FAF1: variants seen among roughly 807,000 people sequenced by gnomAD.
FAF1 encodes the protein FAS-associated factor 1.
FAF1 carries 25 observed loss-of-function variants against 92.5 expected under a neutral mutation model. The ratio of observed to expected loss-of-function variants is 0.27; its 90% CI spans 0.20 to 0.38. The LOEUF (loss-of-function observed/expected upper bound fraction) is 0.38. Among genes scored for constraint, FAF1 ranks in the 10% least tolerant of loss-of-function variants. The probability of loss-of-function intolerance (pLI) is 1.00; values close to 1 mark genes in which losing one functional copy is unlikely to be tolerated. For missense variants in FAF1, 636 were observed against 793.3 expected, an observed-to-expected ratio of 0.80 and a Z score of 2.38; for synonymous variants, 234 against 273.2, an observed-to-expected ratio of 0.86 and a Z score of 1.42.
At position 50,842,544 on chromosome 1, in the gene FAF1, G is replaced by A. The variant is rs576531737; in HGVS notation, c.114+15385C>T. Among the ~76,000 whole-genome samples, 4 of 152,092 alleles carry A rather than the reference G, an allele frequency of 2.6e-5. No individual in the cohort carries two copies. In the East Asian group the frequency reaches 7.7e-4, roughly 29 times the overall value. ...TTGTCTACAAAGTCCTATAAAACCAGACCCCTACCTCTGCTTGGTCTTCTC... is the reference window on the plus strand; with the variant it reads ...TTGTCTACAAAGTCCTATAAAACCAAACCCCTACCTCTGCTTGGTCTTCTC... On this transcript the variant is annotated intron_variant, in intron 2 of 18. Coordinates refer to ENST00000396153, the MANE Select transcript of FAF1 (RefSeq NM_007051.3).
intron 1 of FAF1, among the ~76,000 whole-genome samples, chr1:50,932,960 G>C (rs942877624): frequency 3.3e-5 from 5 of 152,222 alleles, no homozygotes; most frequent in Admixed American, 6.5e-5. Flanking sequence ...CATAGCCCAA[G>C]CTCTATGTTG....
intron 1 of FAF1, among the ~76,000 whole-genome samples, chr1:50,939,141 T>C (rs1387329202): frequency 6.6e-6 from 1 of 152,240 alleles, no homozygotes; most frequent in Non-Finnish European, 1.5e-5. Context: ...ACTGAATGTA[T>C]AAATTGCTCT....
intron 3 of FAF1, among the ~76,000 whole-genome samples, chr1:50,792,649 A>G (rs1454120648): frequency 6.6e-6 from 1 of 152,264 alleles, no homozygotes; most frequent in African/African-American, 2.4e-5. Context: ...GAATATATAC[A>G]TACCATCCTA....
chr1:50,913,037 G>A (rs944700826), intron 1 of FAF1, among the ~76,000 whole-genome samples: 4 of 152,148 alleles, frequency 2.6e-5, no homozygotes, highest in Non-Finnish European at 5.9e-5. Context: ...TTTTGGTGCT[G>A]CATTTTTTAA....
intron 8 of FAF1, among the ~76,000 whole-genome samples, chr1:50,637,460 G>T (rs1431364010): frequency 1.4e-5 from 2 of 144,134 alleles, no homozygotes; most frequent in Non-Finnish European, 3.0e-5. Context: ...CTCAAAAAAA[G>T]AAAACAAAAA....
At chr1:50,692,275 G>T (rs1015972228) in intron 7 of FAF1, among the ~76,000 whole-genome samples, 1 of 151,290 alleles carries the variant, frequency 6.6e-6, no homozygotes, top group African/African-American at 2.4e-5. Flanking sequence ...GTGTGTGTGT[G>T]TGTGTGTGTG....
chr1:50,634,495 T>C (rs1439444828), intron 8 of FAF1, among the ~76,000 whole-genome samples: 1 of 152,196 alleles, frequency 6.6e-6, no homozygotes, highest in East Asian at 1.9e-4. Context: ...CAAACACAAA[T>C]GCCAGAGATT....
At chr1:50,842,579 C>A (rs1467820389) in intron 2 of FAF1, among the ~76,000 whole-genome samples, 1 of 152,030 alleles carries the variant, frequency 6.6e-6, no homozygotes, top group Non-Finnish European at 1.5e-5. Context: ...CCTCTAGGCA[C>A]ACTCCTTTGC....
At chr1:50,647,969 A>G (rs1654669953) in intron 8 of FAF1, among the ~76,000 whole-genome samples, 1 of 152,146 alleles carries the variant, frequency 6.6e-6, no homozygotes, top group Non-Finnish European at 1.5e-5. Flanking sequence ...TCTCAAAGAA[A>G]AGGTCTTGGC....
intron 15 of FAF1, among the ~76,000 whole-genome samples, chr1:50,532,671 A>G (rs1391101757): frequency 6.6e-6 from 1 of 152,220 alleles, no homozygotes; most frequent in East Asian, 1.9e-4. Flanking sequence ...GAAAAAGTAT[A>G]AACCATATTT....
intron 5 of FAF1, among the ~76,000 whole-genome samples, chr1:50,739,336 G>A (rs145846654): frequency 1.6e-4 from 23 of 146,508 alleles, no homozygotes; most frequent in Non-Finnish European, 2.5e-4. Flanking sequence ...ATGTGTACAC[G>A]TACATGCATA....
At chr1:50,593,686 C>T (rs969348810) in intron 9 of FAF1, among the ~76,000 whole-genome samples, 1 of 152,010 alleles carries the variant, frequency 6.6e-6, no homozygotes, top group Non-Finnish European at 1.5e-5. Context: ...ACAGCACAGT[C>T]ATATTATTAG....
intron 1 of FAF1, among the ~76,000 whole-genome samples, chr1:50,864,491 G>C (rs1053858715): frequency 1.3e-5 from 2 of 151,950 alleles, no homozygotes; most frequent in Admixed American, 6.6e-5. Context: ...CCAAAACAGA[G>C]ATATAGATCA....
At chr1:50,928,608 C>A (rs1418324816) in intron 1 of FAF1, among the ~76,000 whole-genome samples, 2 of 150,392 alleles carry the variant, frequency 1.3e-5, no homozygotes, top group Non-Finnish European at 3.0e-5. Context: ...ATAGTGAAAC[C>A]CCATCTCTAC....
At chr1:50,746,368 A>T (rs1659625542) in intron 4 of FAF1, among the ~76,000 whole-genome samples, 1 of 128,040 alleles carries the variant, frequency 7.8e-6, no homozygotes, top group South Asian at 2.7e-4. Context: ...CGACGGCGTG[A>T]TCTCTGCTCA....
chr1:50,656,225 G>A (rs530128014), intron 7 of FAF1, among the ~76,000 whole-genome samples: 1 of 151,928 alleles, frequency 6.6e-6, no homozygotes, highest in Non-Finnish European at 1.5e-5. Context: ...CCAGCTACTT[G>A]GGAGGCTGAG....
intron 1 of FAF1, among the ~76,000 whole-genome samples, chr1:50,921,497 C>T (rs372543004): frequency 1.2e-4 from 18 of 152,086 alleles, no homozygotes; most frequent in African/African-American, 4.1e-4. Flanking sequence ...CATGGTGGCT[C>T]GCGCCTGTAA....
chr1:50,594,556 C>T (rs1651694626), intron 9 of FAF1, among the ~76,000 whole-genome samples: 1 of 130,556 alleles, frequency 7.7e-6, no homozygotes, highest in African/African-American at 2.9e-5. Context: ...TAAATATTTC[C>T]TTATAATATT....
chr1:50,626,156 A>G (rs925938395), intron 8 of FAF1, among the ~76,000 whole-genome samples: 1 of 152,144 alleles, frequency 6.6e-6, no homozygotes, highest in Non-Finnish European at 1.5e-5. Context: ...ATTGTGTTAT[A>G]TTTTCAGATG....
Sources: gnomAD v4.1 joint callset for allele counts (sites outside exome capture counted in the v4.1 genomes callset) on GRCh38, gnomAD v4.1.1 for gene constraint, MANE v1.5 for transcripts, NCBI Gene and HGNC (gene_info 2026-07-23, HGNC 2026-07-21) for gene names.